Variants in PRR16 observed in about 807,000 individuals in gnomAD.
PRR16 encodes the protein protein Largen.
Under a neutral mutation model 18.2 loss-of-function variants are expected in PRR16, and 6 were observed. The ratio of observed to expected loss-of-function variants is 0.33; its 90% CI spans 0.18 to 0.65. PRR16 has a LOEUF of 0.65. Among genes scored for constraint, PRR16 ranks in the 30% least tolerant of loss-of-function variants. PRR16 has a pLI of 0.74. For synonymous variants in PRR16, 151 were observed against 147.8 expected (o/e 1.02, Z -0.16); for missense variants, 412 against 376.6 (o/e 1.09, Z -0.78).
At chr5:120,518,696 T>C (rs1751076904) in intron 1 of PRR16, among the ~76,000 whole-genome samples, 1 of 152,148 alleles carries the variant, frequency 6.6e-6, no homozygotes, top group African/African-American at 2.4e-5. Context: ...TGTAGTATAG[T>C]GTGGCAAGAT....
intron 1 of PRR16, among the ~76,000 whole-genome samples, chr5:120,635,482 G>A (rs1427789247): frequency 1.3e-5 from 2 of 152,050 alleles, no homozygotes; most frequent in African/African-American, 4.8e-5. Flanking sequence ...GTCAATAAAT[G>A]TGATACACCA....
intron 1 of PRR16, among the ~76,000 whole-genome samples, chr5:120,629,631 T>G (rs1754989197): frequency 6.6e-6 from 1 of 152,186 alleles, no homozygotes; most frequent in African/African-American, 2.4e-5. Flanking sequence ...ACTGACATGC[T>G]TTCCAATTTC....
chr5:120,778,856 A>G, the PRR16 span, among the ~76,000 whole-genome samples: 3 of 152,306 alleles, frequency 2.0e-5, no homozygotes, highest in East Asian at 5.8e-4. Context: ...TCGCTTGTCT[A>G]ATGCATTTTA....
chr5:120,655,914 A>G (rs1580840129), intron 1 of PRR16, among the ~76,000 whole-genome samples: 2 of 151,842 alleles, frequency 1.3e-5, no homozygotes, highest in African/African-American at 2.4e-5. Context: ...GACAGGTTCC[A>G]GCCACCAGAA....
the PRR16 span, among the ~76,000 whole-genome samples, chr5:120,766,767 G>C: frequency 6.6e-6 from 1 of 151,806 alleles, no homozygotes; most frequent in Non-Finnish European, 1.5e-5. Context: ...AATGACCTTT[G>C]GACATATTGC....
the PRR16 span, among the ~76,000 whole-genome samples, chr5:120,704,791 C>T: frequency 6.6e-6 from 1 of 152,124 alleles, no homozygotes; most frequent in Non-Finnish European, 1.5e-5. Flanking sequence ...GAGAATGGCA[C>T]ATCTGTTATT....
chr5:120,636,591 T>A (rs907399137), intron 1 of PRR16, among the ~76,000 whole-genome samples: 2 of 152,140 alleles, frequency 1.3e-5, no homozygotes, highest in Non-Finnish European at 2.9e-5. Context: ...TGTAGAAGAA[T>A]GAAACTGAAT....
At chr5:120,523,149 A>G (rs1384836969) in intron 1 of PRR16, among the ~76,000 whole-genome samples, 2 of 152,150 alleles carry the variant, frequency 1.3e-5, no homozygotes, top group Non-Finnish European at 2.9e-5. Context: ...ATTTGTTGCT[A>G]TCTTATAGAG....
the PRR16 span, among the ~76,000 whole-genome samples, chr5:120,753,878 T>A: frequency 4.1e-5 from 4 of 96,986 alleles, no homozygotes; most frequent in Admixed American, 1.4e-4. Context: ...TATTATATAT[T>A]TATATATTAT....
At chr5:120,632,673 A>C (rs745684626) in intron 1 of PRR16, among the ~76,000 whole-genome samples, 3 of 152,198 alleles carry the variant, frequency 2.0e-5, no homozygotes, top group Non-Finnish European at 4.4e-5. Flanking sequence ...CAGTCCATCA[A>C]AGACAAAGAA....
At chr5:120,530,369 C>T (rs1181771844) in intron 1 of PRR16, among the ~76,000 whole-genome samples, 1 of 148,948 alleles carries the variant, frequency 6.7e-6, no homozygotes, top group East Asian at 2.0e-4. Context: ...CCGGAGTAAG[C>T]TGTCAGTATA....
At chr5:120,680,003 G>A (rs1269357520) in intron 1 of PRR16, among the ~76,000 whole-genome samples, 3 of 152,130 alleles carry the variant, frequency 2.0e-5, no homozygotes, top group African/African-American at 2.4e-5. Context: ...AGCTGCTCTT[G>A]TTGGGGAGAA....
chr5:120,772,430 C>T, the PRR16 span, among the ~76,000 whole-genome samples: 1 of 151,960 alleles, frequency 6.6e-6, no homozygotes, highest in African/African-American at 2.4e-5. Flanking sequence ...ATGCATAATT[C>T]AATAATGGTT....
chr5:120,549,197 G>T lies in PRR16; in HGVS notation c.159+84552G>T, dbSNP rs144380720. Among the ~76,000 whole-genome samples the T allele has an allele frequency of 3.3e-3, 495 of 152,144 alleles. 1 individual carries two copies. Among genetic ancestry groups the T allele is most frequent in the Middle Eastern group, 0.027 (8 of 294 alleles). On this transcript the variant is annotated intron_variant, in intron 1 of 1. Coordinates refer to ENST00000407149, the MANE Select transcript of PRR16 (RefSeq NM_001300783.2). Reference sequence around the variant, plus strand: ...TGCAGCCTCTACTTCCTGGGTTCAAGTGATCCTCCTGCCTCAGTCTCCCAA... The same window carrying T: ...TGCAGCCTCTACTTCCTGGGTTCAATTGATCCTCCTGCCTCAGTCTCCCAA...
intron 1 of PRR16, among the ~76,000 whole-genome samples, chr5:120,542,209 C>G (rs1241349957): frequency 6.6e-6 from 1 of 152,042 alleles, no homozygotes; most frequent in Non-Finnish European, 1.5e-5. Context: ...GATACTTATG[C>G]TGGAGTAGCT....
the PRR16 span, among the ~76,000 whole-genome samples, chr5:120,770,969 C>CAA: frequency 6.6e-6 from 1 of 151,754 alleles, no homozygotes; most frequent in Non-Finnish European, 1.5e-5. Flanking sequence ...CACACACACA[C>CAA]ACCTTGCATC....
At chr5:120,703,800 G>T in the PRR16 span, among the ~76,000 whole-genome samples, 1 of 152,142 alleles carries the variant, frequency 6.6e-6, no homozygotes, top group Admixed American at 6.5e-5. Context: ...AGTTTTAAAG[G>T]TTAGTCCTCA....
intron 1 of PRR16, among the ~76,000 whole-genome samples, chr5:120,575,317 A>AC (rs1231392703): frequency 1.9e-4 from 19 of 100,450 alleles, no homozygotes; most frequent in African/African-American, 6.4e-4. Flanking sequence ...CCAGACAAGG[A>AC]AACACACACA....
chr5:120,667,037 C>G (rs1034612738), intron 1 of PRR16, among the ~76,000 whole-genome samples: 2 of 151,274 alleles, frequency 1.3e-5, no homozygotes, highest in Admixed American at 6.6e-5. Flanking sequence ...AGGAATGGTA[C>G]CAGCTCCTCC....
Sources: allele counts gnomAD v4.1 joint callset (sites outside exome capture counted in the v4.1 genomes callset), GRCh38; gene constraint gnomAD v4.1.1; transcripts MANE v1.5; gene names NCBI Gene and HGNC (gene_info 2026-07-23, HGNC 2026-07-21).